Variants in APLP2 observed in about 807,000 individuals in gnomAD.
The protein encoded by APLP2 is CDEI box-binding protein.
In APLP2, 53 loss-of-function variants were observed where a neutral mutation model predicts 89.9. That is an observed-to-expected ratio of 0.59 (90% CI 0.47 to 0.74). The LOEUF is 0.74. APLP2 is among the 30% of genes least tolerant of loss of function. APLP2 has a pLI of 0.00. For synonymous variants in APLP2, 372 were observed against 348.6 expected (o/e 1.07, Z -0.75); for missense variants, 973 against 975.9 (o/e 1.00, Z 0.04).
intron 1 of APLP2, among the ~76,000 whole-genome samples, chr11:130,107,147 A>T (rs1333717203): frequency 1.3e-5 from 2 of 152,196 alleles, no homozygotes; most frequent in African/African-American, 4.8e-5. Flanking sequence ...AACACTTAGC[A>T]TGTTGCTTTG....
intron 11 of APLP2, among the ~76,000 whole-genome samples, chr11:130,130,618 T>G (rs984863694): frequency 1.3e-5 from 2 of 152,230 alleles, no homozygotes; most frequent in Admixed American, 6.5e-5. Context: ...AATATTGGTG[T>G]TGTTCATATA....
intron 1 of APLP2, chr11:130,070,484 GCCCCGCGCGGACCCCGTACGCTC>G (rs1940765148): frequency 8.8e-7 from 1 of 1,138,798 alleles, no homozygotes. Context: ...TCCAGGGGCG[GCCCCGCGCGGACCCCGTACGCTC>G]CCTCGCGCGG....
rs1010919735 is a variant in APLP2 at position 130,141,826 on chromosome 11, G to A, written c.1999-93G>A. ...GTGCTACTTTGGGTTTTAGGGGCTC[G>A]ACCTTCCAGGAGCGTGGCCCTCAGT... On this transcript the variant is annotated intron_variant, in intron 15 of 16. Coordinates refer to ENST00000338167, the MANE Select transcript of APLP2 (RefSeq NM_001142276.2). This position sits in a 1 kb window ranked among gnomAD's most constrained non-coding sequence, Gnocchi z 4.2. 2.0e-5 allele frequency: 30 copies of A among 1,478,968 alleles called. No homozygotes were observed. Among genetic ancestry groups the A allele is most frequent in the South Asian group, 2.7e-5 (2 of 75,386 alleles). 91.6% of individuals were successfully genotyped at this position (1,478,968 alleles called of 1,614,324 possible).
chr11:130,138,124 T>A (rs1196065147), intron 13 of APLP2, among the ~76,000 whole-genome samples: 1 of 152,226 alleles, frequency 6.6e-6, no homozygotes, highest in Non-Finnish European at 1.5e-5. Context: ...GGTGGGTGGG[T>A]GGCCCAGTCA....
chr11:130,092,339 C>A (rs1945474217), intron 1 of APLP2, among the ~76,000 whole-genome samples: 1 of 118,202 alleles, frequency 8.5e-6, no homozygotes, highest in African/African-American at 3.9e-5. Context: ...GCAGAGGCTG[C>A]AATCTCGGCA....
At chr11:130,115,057 CCT>C (rs68063053) in intron 3 of APLP2, among the ~76,000 whole-genome samples, 4,715 of 152,066 alleles carry the variant, frequency 0.031, 230 homozygotes, top group East Asian at 0.23. Flanking sequence ...TTCTCTGAAC[CCT>C]GTTTTCCCTG....
At chr11:130,119,700 G>A (rs1949606718) in intron 3 of APLP2, among the ~76,000 whole-genome samples, 1 of 152,174 alleles carries the variant, frequency 6.6e-6, no homozygotes, top group African/African-American at 2.4e-5. Flanking sequence ...TTTACCTGAT[G>A]TTTTTCTCTC....
intron 3 of APLP2, among the ~76,000 whole-genome samples, chr11:130,111,864 C>G (rs944889435): frequency 6.6e-6 from 1 of 152,120 alleles, no homozygotes; most frequent in African/African-American, 2.4e-5. Flanking sequence ...TGAGATTATC[C>G]TGGAATATTT....
intron 1 of APLP2, among the ~76,000 whole-genome samples, chr11:130,096,915 T>C (rs563730961): frequency 2.6e-5 from 4 of 152,286 alleles, no homozygotes; most frequent in Admixed American, 2.0e-4. Context: ...GCAGTAAATA[T>C]ACTGACTAGT....
chr11:130,137,801 G>A (rs997234828), intron 13 of APLP2, among the ~76,000 whole-genome samples: 13 of 152,044 alleles, frequency 8.6e-5, no homozygotes, highest in African/African-American at 2.9e-4. Flanking sequence ...TCAGAACATC[G>A]GAAGCCAATG....
At chr11:130,104,969 A>G (rs546803113) in intron 1 of APLP2, among the ~76,000 whole-genome samples, 1 of 152,336 alleles carries the variant, frequency 6.6e-6, no homozygotes, top group Non-Finnish European at 1.5e-5. Flanking sequence ...GAAGCAAAAC[A>G]TATGTCAGAT....
chr11:130,089,425 C>T (rs767515912), intron 1 of APLP2, among the ~76,000 whole-genome samples: 15 of 152,172 alleles, frequency 9.9e-5, no homozygotes, highest in East Asian at 1.9e-4. Context: ...GTGCCAAGTC[C>T]GTGCATGCCT....
chr11:130,106,570 C>G (rs527251032), intron 1 of APLP2, among the ~76,000 whole-genome samples: 1 of 152,316 alleles, frequency 6.6e-6, no homozygotes, highest in East Asian at 1.9e-4. Context: ...GCATGCCTCT[C>G]CCACCATCTC....
chr11:130,133,926 C>A (rs1176410550), intron 12 of APLP2, among the ~76,000 whole-genome samples, 198 bp downstream of exon 12: 1 of 152,218 alleles, frequency 6.6e-6, no homozygotes, highest in Admixed American at 6.5e-5. Flanking sequence ...GGTGCACTGG[C>A]TGTGAGCCAT....
intron 3 of APLP2, among the ~76,000 whole-genome samples, chr11:130,110,913 G>C (rs975388505): frequency 3.3e-5 from 5 of 152,166 alleles, no homozygotes; most frequent in Admixed American, 3.3e-4. Context: ...GCTACCCACA[G>C]AGCAATTGCA....
intron 1 of APLP2, chr11:130,101,606 T>G (rs1946943675): frequency 5.8e-6 from 1 of 172,468 alleles, no homozygotes; most frequent in South Asian, 1.2e-4. Flanking sequence ...ATTGAAACGA[T>G]GCATTCCAGA....
intron 11 of APLP2, among the ~76,000 whole-genome samples, chr11:130,130,798 G>A (rs928575065): frequency 2.0e-5 from 3 of 152,206 alleles, no homozygotes; most frequent in African/African-American, 7.2e-5. Flanking sequence ...ATACAGTGCT[G>A]TGCTGATTGT....
intron 6 of APLP2, among the ~76,000 whole-genome samples, chr11:130,122,964 A>AC (rs1358798246): frequency 1.3e-5 from 2 of 148,898 alleles, no homozygotes; most frequent in Non-Finnish European, 3.0e-5. Flanking sequence ...AAATTTATTG[A>AC]CCTGCTGGTA....
intron 5 of APLP2, 125 bp downstream of exon 5, chr11:130,121,935 T>C: frequency 7.1e-7 from 1 of 1,408,190 alleles, no homozygotes; most frequent in Non-Finnish European, 9.5e-7. Flanking sequence ...CTGCTAGAGT[T>C]GATTAAGCTT....
Sources: allele counts gnomAD v4.1 joint callset (sites outside exome capture counted in the v4.1 genomes callset), GRCh38; gene constraint gnomAD v4.1.1; non-coding constraint Gnocchi (gnomAD v3.1); transcripts MANE v1.5; gene names NCBI Gene and HGNC (gene_info 2026-07-23, HGNC 2026-07-21).